Variants in SYT12 observed in about 807,000 individuals in gnomAD.
The protein encoded by SYT12 is synaptotagmin 12.
Under a neutral mutation model 39.5 loss-of-function variants are expected in SYT12, and 27 were observed. The observed-to-expected ratio is 0.68, with a 90% CI of 0.50 to 0.94. The LOEUF (loss-of-function observed/expected upper bound fraction) is 0.94. Ranked by LOEUF, SYT12 falls within the 40% of genes least tolerant of loss-of-function variation. The pLI is 0.00. For synonymous variants in SYT12, 233 were observed against 239.7 expected (o/e 0.97, Z 0.26); for missense variants, 536 against 572.6 (o/e 0.94, Z 0.65).
At chr11:67,035,854 C>CTT (rs1178558758) in intron 3 of SYT12, among the ~76,000 whole-genome samples, 52 of 127,906 alleles carry the variant, frequency 4.1e-4, no homozygotes, top group African/African-American at 1.8e-3. Context: ...TTCTTTCTTT[C>CTT]TTTCTTTCTT....
chr11:67,025,133 T>C (rs1950163950), intron 1 of SYT12, among the ~76,000 whole-genome samples: 1 of 152,184 alleles, frequency 6.6e-6, no homozygotes, highest in Non-Finnish European at 1.5e-5. Context: ...TGTTGCTACT[T>C]GTATGCTAGG....
Position 67,034,706 on chromosome 11 carries a change from G to T in SYT12, c.96G>T (p.Leu32=). ...ATGCTGCAGGGGCCCTGGCCCTGCTGGGAATCGCAGCTGTGAGCCTGTGGA... is the reference window on the plus strand; with the variant it reads ...ATGCTGCAGGGGCCCTGGCCCTGCTTGGAATCGCAGCTGTGAGCCTGTGGA... ...GVYAAGALAL[L]GIAAVSLWKL... is the part of the protein sequence containing the mutation. Residue 32 remains leucine, a synonymous_variant, in exon 3 of 8, where the codon CTG becomes CTT. Coordinates refer to ENST00000527043, the MANE Select transcript of SYT12 (RefSeq NM_177963.4). 1 of 1,602,800 alleles carries T rather than the reference G, an allele frequency of 6.2e-7. No homozygotes were observed. The highest frequency in any genetic ancestry group is 8.5e-7 in the Non-Finnish European group (1 of 1,175,720).
chr11:67,016,110 A>G (rs1950056806), intron 3 of SYT12, among the ~76,000 whole-genome samples: 1 of 152,070 alleles, frequency 6.6e-6, no homozygotes, highest in Admixed American at 6.5e-5. Context: ...GTGAAACCCC[A>G]TCTTTACTAA....
At chr11:67,019,610 T>C (rs1212107776), upstream of SYT12, among the ~76,000 whole-genome samples, 1 of 151,904 alleles carries the variant, frequency 6.6e-6, no homozygotes, top group African/African-American at 2.4e-5. Context: ...CAATCCAAGA[T>C]GAGATTTGGG....
At chr11:67,039,733 A>G in intron 3 of SYT12, 78 bp from the exon 4 acceptor site, 2 of 1,502,692 alleles carry the variant, frequency 1.3e-6, no homozygotes, top group Non-Finnish European at 1.8e-6. Flanking sequence ...AACAGGCCTT[A>G]CTCATCTCTT....
rs377220196 is a variant in SYT12 at position 67,045,818 on chromosome 11, G to A, written c.1033G>A (p.Asp345Asn). The A allele has an allele frequency of 1.9e-5, 30 of 1,613,816 alleles. No individual in the cohort carries two copies. Among genetic ancestry groups the A allele is most frequent in the Admixed American group, 3.3e-5 (2 of 59,986 alleles). The change falls in exon 7 of 8, where the codon GAC (aspartate) becomes AAC (asparagine). Residue 345 changes from aspartate (D) to asparagine (N), a missense_variant. By Grantham distance (23) the Asp-to-Asn change is conservative. Coordinates refer to ENST00000527043, the MANE Select transcript of SYT12 (RefSeq NM_177963.4). ...SKKKTAVKRD[D>N]PNPVFNEAMI... ...AAAGAAGACAGCCGTGAAGAGGGAT[G>A]ACCCCAACCCGGTGTTCAACGAAGC...
In SYT12 at chr11:67,045,850, C is replaced by T. The variant is rs1168577841; in HGVS notation, c.1065C>T (p.Ile355=). The T allele has an allele frequency of 1.2e-6, 2 of 1,613,480 alleles. No homozygotes were observed. Among genetic ancestry groups the T allele is most frequent in the Non-Finnish European group, 1.7e-6 (2 of 1,179,790 alleles). ...ACCCGGTGTTCAACGAAGCCATGAT[C>T]TTCTCGGTGCCAGCCATTGTGCTCC... is the stretch of plus-strand genomic sequence containing the variant. ...DPNPVFNEAM[I]FSVPAIVLQD... Residue 355 remains isoleucine, a synonymous_variant, in exon 7 of 8, where the codon ATC becomes ATT. Coordinates refer to ENST00000527043, the MANE Select transcript of SYT12 (RefSeq NM_177963.4).
intron 3 of SYT12, among the ~76,000 whole-genome samples, chr11:67,017,707 C>T (rs1225375106): frequency 6.6e-6 from 1 of 151,488 alleles, no homozygotes; most frequent in African/African-American, 2.4e-5. Context: ...CACCTGTAAT[C>T]CCAGCACTTT....
In SYT12 at chr11:67,050,382, C is replaced by T. The variant is rs1349054130; in HGVS notation, c.*1625C>T. On this transcript the variant is annotated 3_prime_UTR_variant, in exon 8 of 8. Transcript: ENST00000527043. ...GCATGGACCCTCAGGCTGGCTGCCC[C>T]TGTTCCTTGGTCCATAACTGGTGAG... The T allele has an allele frequency of 6.6e-6, 1 of 152,470 alleles. No individual in the cohort carries two copies. Among genetic ancestry groups the T allele is most frequent in the Non-Finnish European group, 1.5e-5 (1 of 68,216 alleles). 9.4% of individuals were successfully genotyped at this position (152,470 alleles called of 1,614,324 possible).
chr11:67,018,467 A>G (rs777436422), upstream of SYT12, among the ~76,000 whole-genome samples: 4 of 151,922 alleles, frequency 2.6e-5, no homozygotes, highest in African/African-American at 7.3e-5. Context: ...CAAGTCTGCA[A>G]TGAGCCATGA....
Position 67,040,099 on chromosome 11 carries a change from G to A in SYT12, c.517G>A (p.Val173Met). The A allele has an allele frequency of 5.0e-6, 8 of 1,613,788 alleles. No individual in the cohort carries two copies. The highest frequency in any genetic ancestry group is 5.9e-6 in the Non-Finnish European group (7 of 1,179,930). Reference protein sequence around the residue: ...DTASHTLNVAVMQGKDLLERE... With the variant: ...DTASHTLNVAMMQGKDLLERE... ...TGCCTCCCACACGCTGAACGTGGCG[G>A]TGATGCAGGGCAAGGACCTCCTGGA... The change falls in exon 4 of 8, where the codon GTG becomes ATG. Residue 173 changes from valine to methionine, a missense_variant. Transcript: ENST00000527043.
At chr11:67,039,072 G>A (rs1411853588) in intron 3 of SYT12, among the ~76,000 whole-genome samples, 1 of 151,964 alleles carries the variant, frequency 6.6e-6, no homozygotes, top group Non-Finnish European at 1.5e-5. Flanking sequence ...GGGAGGCCGA[G>A]GCAGGCAGAT....
intron 5 of SYT12, 76 bp downstream of exon 5, chr11:67,043,929 C>T: frequency 1.5e-6 from 2 of 1,319,472 alleles, no homozygotes; most frequent in East Asian, 2.4e-5. Context: ...CTCCATCATC[C>T]TCATCATCCT....
chr11:67,023,032 A>T (rs1319850336), upstream of SYT12: 2 of 152,250 alleles, frequency 1.3e-5, no homozygotes, highest in Non-Finnish European at 2.9e-5. Flanking sequence ...CCTGCCTCTC[A>T]GAGGCCTGTG....
Position 67,047,663 on chromosome 11 carries a change from C to G in SYT12, c.1093-921C>G, listed in dbSNP as rs1227515471. Among the ~76,000 whole-genome samples, 4 of 150,324 alleles carry G rather than the reference C, an allele frequency of 2.7e-5. No individual in the cohort carries two copies. The East Asian group carries it at 8.3e-4, about 31-fold the overall frequency. ...AGGTCACACAGCAAGGAAGTGGAGG[C>G]CAGGCGTGGTGGCTCATGCCTGTAA... is the stretch of plus-strand genomic sequence containing the variant. On this transcript the variant is annotated intron_variant, in intron 7 of 7. Transcript: ENST00000527043.
chr11:67,022,340 C>G (rs1950118186), upstream of SYT12, among the ~76,000 whole-genome samples: 2 of 152,190 alleles, frequency 1.3e-5, no homozygotes, highest in African/African-American at 2.4e-5. Context: ...CTTCCTCCCC[C>G]ACCCCAGACC....
intron 3 of SYT12, 141 bp downstream of exon 3, chr11:67,034,979 C>T (rs1359351753): frequency 1.2e-5 from 6 of 517,984 alleles, no homozygotes; most frequent in Admixed American, 8.4e-5. Flanking sequence ...GTAGACCTCC[C>T]TCTTCCCCTT....
intron 3 of SYT12, among the ~76,000 whole-genome samples, chr11:67,011,996 C>T (rs1287878331): frequency 7.3e-5 from 11 of 151,188 alleles, no homozygotes; most frequent in Non-Finnish European, 1.6e-4. Flanking sequence ...AACTCCTGAC[C>T]TTGTGATCCA....
upstream of SYT12, among the ~76,000 whole-genome samples, chr11:67,020,473 C>G (rs7122355): frequency 0.01 from 1,584 of 152,274 alleles, 30 homozygotes; most frequent in African/African-American, 0.035. Context: ...CACACATGCA[C>G]AAAAGTGTAC....
Sources: gnomAD v4.1 joint callset for allele counts (sites outside exome capture counted in the v4.1 genomes callset) on GRCh38, gnomAD v4.1.1 for gene constraint, MANE v1.5 for transcripts, NCBI Gene and HGNC (gene_info 2026-07-23, HGNC 2026-07-21) for gene names.